The following SVOPL variants were observed in gnomAD, a reference collection of about 807,000 sequenced individuals.
SVOPL encodes putative transporter SVOPL.
A neutral mutation model predicts 61.0 loss-of-function variants in SVOPL; 60 were observed. That is an observed-to-expected ratio of 0.98 (90% CI 0.80 to 1.22). The LOEUF (loss-of-function observed/expected upper bound fraction) is 1.22. Ranked by LOEUF, SVOPL falls within the 50% of genes most tolerant of loss-of-function variation. The probability of loss-of-function intolerance (pLI) is 0.00; values close to 1 mark genes in which losing one functional copy is unlikely to be tolerated. For synonymous variants in SVOPL, 279 were observed against 250.0 expected, an observed-to-expected ratio of 1.12 and a Z score of -1.09; for missense variants, 662 against 643.9, an observed-to-expected ratio of 1.03 and a Z score of -0.30.
intron 1 of SVOPL, chr7:138,689,038 C>A: frequency 1.4e-6 from 1 of 707,992 alleles, no homozygotes; most frequent in South Asian, 1.4e-5. Flanking sequence ...TCAAGACGTT[C>A]AAATCTTTGT....
At chr7:138,619,561 T>TAA (rs11440977) in intron 14 of SVOPL, among the ~76,000 whole-genome samples, 11,797 of 60,100 alleles carry the variant, frequency 0.2, 1,784 homozygotes, top group East Asian at 0.41. Flanking sequence ...TCTCAGATGT[T>TAA]AAAAAAAAAA....
chr7:138,672,410 G>C (rs938318058), intron 3 of SVOPL, among the ~76,000 whole-genome samples: 1 of 152,152 alleles, frequency 6.6e-6, no homozygotes, highest in Non-Finnish European at 1.5e-5. Flanking sequence ...CACTAGGAGG[G>C]AGCTGTGTGA....
chr7:138,671,392 G>A (rs1295489064), intron 4 of SVOPL, among the ~76,000 whole-genome samples: 1 of 152,142 alleles, frequency 6.6e-6, no homozygotes, highest in East Asian at 1.9e-4. Context: ...TTGTCACCCA[G>A]GCTGGAGCGC....
intron 7 of SVOPL, among the ~76,000 whole-genome samples, chr7:138,650,206 A>G (rs1169799888): frequency 6.6e-6 from 1 of 152,116 alleles, no homozygotes; most frequent in Non-Finnish European, 1.5e-5. Context: ...CACATTTTGG[A>G]GATAAAGGTG....
At chr7:138,674,494 G>A (rs1436033503) in intron 3 of SVOPL, among the ~76,000 whole-genome samples, 1 of 151,878 alleles carries the variant, frequency 6.6e-6, no homozygotes, top group Non-Finnish European at 1.5e-5. Context: ...CTTCCTTTGT[G>A]AGACAGGAGG....
chr7:138,628,339 A>G lies in SVOPL; in HGVS notation c.888T>C (p.Tyr296=), dbSNP rs1799992622. The G allele has an allele frequency of 6.2e-7, 1 of 1,614,032 alleles. No individual in the cohort carries two copies. The highest frequency in any genetic ancestry group is 1.3e-5 in the African/African-American group (1 of 74,912). The part of the protein sequence containing the change: ...VIWLGISFAY[Y]GVILASAELL... The stretch of plus-strand genomic sequence containing the variant: ...GCTCAGCACTGGCCAGGATAACCCC[A>G]TAGTAGGCAAAAGAGATTCCAAGCC... The change falls in exon 11 of 16, where the codon TAT becomes TAC. Residue 296 remains tyrosine, a synonymous_variant. Transcript: ENST00000674285.
intron 2 of SVOPL, 77 bp from the exon 3 acceptor site, chr7:138,678,602 C>T: frequency 7.1e-7 from 1 of 1,400,348 alleles, no homozygotes; most frequent in Non-Finnish European, 9.7e-7. Flanking sequence ...CTTCAGAAAG[C>T]CAACCCATTA....
At chr7:138,666,570 T>G (rs1303246032) in intron 4 of SVOPL, among the ~76,000 whole-genome samples, 1 of 152,198 alleles carries the variant, frequency 6.6e-6, no homozygotes, top group Admixed American at 6.5e-5. Context: ...CAAGCTGATT[T>G]ACAACCCAGA....
At chr7:138,627,221 A>T (rs1386889498) in intron 12 of SVOPL, 129 bp downstream of exon 12, 11 of 650,144 alleles carry the variant, frequency 1.7e-5, no homozygotes, top group African/African-American at 5.4e-5. Flanking sequence ...CATTCTAGTC[A>T]AGCAAGCAGC....
chr7:138,679,956 G>A (rs768256978), intron 1 of SVOPL, among the ~76,000 whole-genome samples: 3 of 152,020 alleles, frequency 2.0e-5, no homozygotes, highest in Admixed American at 6.6e-5. Context: ...TTAGATAATC[G>A]AGCTAAATTA....
At chr7:138,647,627 G>A (rs1000054472) in intron 8 of SVOPL, among the ~76,000 whole-genome samples, 1 of 151,782 alleles carries the variant, frequency 6.6e-6, no homozygotes, top group African/African-American at 2.4e-5. Flanking sequence ...GAGGCGGGTG[G>A]ATCACTAAGT....
chr7:138,622,066 C>T (rs368735165), intron 13 of SVOPL, among the ~76,000 whole-genome samples: 2 of 38,168 alleles, frequency 5.2e-5, no homozygotes, highest in East Asian at 6.2e-4. Context: ...ATCTATCTAT[C>T]TATGTATCTA....
chr7:138,664,953 T>TTCCCCCGACACTTCCCCCA (rs1802199287), intron 4 of SVOPL, among the ~76,000 whole-genome samples: 1 of 22,848 alleles, frequency 4.4e-5, no homozygotes, highest in Admixed American at 5.4e-4. Context: ...CCCTCGACCC[T>TTCCCCCGACACTTCCCCCA]TCCCCCGACA....
rs1483475314 is a variant in SVOPL at position 138,664,866 on chromosome 7, C to T, written c.274-1721G>A. On this transcript the variant is annotated intron_variant, in intron 4 of 15. Coordinates refer to ENST00000674285, the MANE Select transcript of SVOPL (RefSeq NM_001139456.2). ...CCTCGACCCTTCTCCCCAACTCCCGCCCTCGACCTTTCCCCCATAACCCTG... is the reference window on the plus strand; with the variant it reads ...CCTCGACCCTTCTCCCCAACTCCCGTCCTCGACCTTTCCCCCATAACCCTG... Among the ~76,000 whole-genome samples the T allele has an allele frequency of 3.7e-5, 4 of 107,140 alleles. No homozygotes were observed. In the South Asian group the frequency reaches 1.2e-3, roughly 32 times the overall value. 70.3% of individuals were successfully genotyped at this position (107,140 alleles called of 152,430 possible).
At chr7:138,648,897 G>C in intron 8 of SVOPL, 115 bp downstream of exon 8, 1 of 1,491,168 alleles carries the variant, frequency 6.7e-7, no homozygotes, top group Non-Finnish European at 9.0e-7. Flanking sequence ...ACTGCAGCCT[G>C]GACAACAAAG....
chr7:138,621,918 G>GTATC lies in SVOPL; in HGVS notation c.1264-787_1264-784dup, dbSNP rs1563095709. On this transcript the variant is annotated intron_variant, in intron 13 of 15. Transcript: ENST00000674285. ...TCTATCTATCTATGTATCTATCTAT[G>GTATC]TATCTATCTATGTATCTATCTATCT... Among the ~76,000 whole-genome samples the GTATC allele has an allele frequency of 8.1e-4, 15 of 18,568 alleles. 1 individual carries two copies. The East Asian group carries it at 0.032, about 40-fold the overall frequency. The allele number at this position is 18,568 out of a possible 152,430, so 12.2% of individuals were successfully genotyped here.
chr7:138,604,468 G>T (rs1347573845), intron 14 of SVOPL, among the ~76,000 whole-genome samples: 2 of 152,078 alleles, frequency 1.3e-5, no homozygotes, highest in Non-Finnish European at 2.9e-5. Context: ...GAGGTCAGAA[G>T]TTCAAGACCA....
rs186921200 is a variant in SVOPL, at chr7:138,615,413, C to T, written c.1353+5633G>A. ...TCTACTAAAAATACAAAAAATTAGC[C>T]GGGCGTGGTGGCGGGCGCCTGTAGT... On this transcript the variant is annotated intron_variant, in intron 14 of 15. Transcript: ENST00000674285. Among the ~76,000 whole-genome samples the T allele has an allele frequency of 2.4e-3, 359 of 152,008 alleles. 3 individuals are homozygous for T. Among genetic ancestry groups the T allele is most frequent in the African/African-American group, 8.2e-3 (338 of 41,440 alleles).
intron 9 of SVOPL, among the ~76,000 whole-genome samples, chr7:138,638,502 C>T (rs1800613953): frequency 6.6e-6 from 1 of 152,010 alleles, no homozygotes; most frequent in South Asian, 2.1e-4. Context: ...TATTTAGCGT[C>T]CTTGTATTGT....
Sources: gnomAD v4.1 joint callset for allele counts (sites outside exome capture counted in the v4.1 genomes callset) on GRCh38, gnomAD v4.1.1 for gene constraint, MANE v1.5 for transcripts, NCBI Gene and HGNC (gene_info 2026-07-23, HGNC 2026-07-21) for gene names.